TSPAN1: variants seen among roughly 807,000 people sequenced by gnomAD.
TSPAN1 encodes the protein tetraspanin-1.
TSPAN1 carries 23 observed loss-of-function variants against 26.9 expected under a neutral mutation model. That is an observed-to-expected ratio of 0.85 (90% CI 0.62 to 1.21). The LOEUF (loss-of-function observed/expected upper bound fraction) is 1.21, where lower values mean the gene tolerates loss of function less well. Ranked by LOEUF, TSPAN1 falls within the 50% of genes most tolerant of loss-of-function variation. The pLI is 0.00. For missense variants in TSPAN1, 283 were observed against 298.4 expected, an observed-to-expected ratio of 0.95 and a Z score of 0.38; for synonymous variants, 115 against 114.8, an observed-to-expected ratio of 1.00 and a Z score of -0.01.
chr1:46,192,251 T>A, the TSPAN1 span: 1 of 1,614,116 alleles, frequency 6.2e-7, no homozygotes. Flanking sequence ...CGATGAAGGT[T>A]AAGATGTTTC....
chr1:46,190,545 G>A, downstream of TSPAN1: 1 of 1,578,886 alleles, frequency 6.3e-7, no homozygotes, highest in Non-Finnish European at 8.7e-7. Flanking sequence ...ATGGGTCAGG[G>A]GAGTGGGCAG....
At chr1:46,176,595 C>A in intron 1 of TSPAN1, 1 of 1,180,784 alleles carries the variant, frequency 8.5e-7, no homozygotes, top group Non-Finnish European at 1.2e-6. Context: ...GCCCTGGCCC[C>A]TCCTCATGGG....
In TSPAN1 at chr1:46,184,785, G is replaced by A; in HGVS notation, c.340G>A (p.Ala114Thr). The A allele has an allele frequency of 6.2e-7, 1 of 1,614,194 alleles. No homozygotes were observed. The highest frequency in any genetic ancestry group is 1.7e-5 in the Admixed American group (1 of 60,026). Residue 114 changes from alanine (A) to threonine (T), a missense_variant and splice_region_variant, in exon 6 of 9, where the codon GCT (alanine) becomes ACT (threonine). Coordinates refer to ENST00000372003, the MANE Select transcript of TSPAN1 (RefSeq NM_005727.4). ...CTAAACACTGGCCTGCCTCACCCAGGCTGAGCACTTCCTGACGTTGCTGGT... is the reference window on the plus strand; with the variant it reads ...CTAAACACTGGCCTGCCTCACCCAGACTGAGCACTTCCTGACGTTGCTGGT... ...AVVALVYTTM[A>T]EHFLTLLVVP...
chr1:46,180,966 T>C (rs919814965), intron 2 of TSPAN1, 134 bp from the exon 3 acceptor site: 71 of 709,960 alleles, frequency 1.0e-4, no homozygotes, highest in Admixed American at 5.2e-4. Flanking sequence ...TCAGACCAGG[T>C]ACAGGAGAAG....
At chr1:46,189,008 G>A, downstream of TSPAN1, 1 of 1,596,000 alleles carries the variant, frequency 6.3e-7, no homozygotes, top group Non-Finnish European at 8.5e-7. Flanking sequence ...TCAAAGGGCA[G>A]GATGAGCTGC....
the TSPAN1 span, chr1:46,194,073 C>T: frequency 1.3e-6 from 2 of 1,536,598 alleles, no homozygotes; most frequent in Non-Finnish European, 1.8e-6. Context: ...GCTCTCCACA[C>T]ACTCAGCCCA....
chr1:46,194,186 T>C, the TSPAN1 span: 1 of 1,608,362 alleles, frequency 6.2e-7, no homozygotes, highest in Non-Finnish European at 8.5e-7. Context: ...CAGGCTCAGG[T>C]AGGGAAAGCC....
At chr1:46,188,769 T>C, downstream of TSPAN1, 3 of 1,612,864 alleles carry the variant, frequency 1.9e-6, no homozygotes, top group Non-Finnish European at 2.5e-6. Flanking sequence ...GGAGGCCTGG[T>C]CCAGTGTCTA....
At chr1:46,189,875 G>A (rs1414031529), downstream of TSPAN1, 2 of 1,613,904 alleles carry the variant, frequency 1.2e-6, no homozygotes, top group Non-Finnish European at 1.7e-6. Context: ...GGGTCCAGGT[G>A]GTGAAGTCAT....
At chr1:46,195,088 T>TAGAG in the TSPAN1 span, 1 of 826,194 alleles carries the variant, frequency 1.2e-6, no homozygotes, top group Non-Finnish European at 2.1e-6. Context: ...TAACCCTCTA[T>TAGAG]GGTTACTCTC....
downstream of TSPAN1, among the ~76,000 whole-genome samples, chr1:46,187,831 C>T (rs1285248202): frequency 6.6e-6 from 1 of 152,200 alleles, no homozygotes; most frequent in Admixed American, 6.5e-5. Context: ...ACATACCACC[C>T]ATGCTGTCAC....
At chr1:46,193,446 C>A in the TSPAN1 span, 1 of 1,605,430 alleles carries the variant, frequency 6.2e-7, no homozygotes, top group Non-Finnish European at 8.5e-7. Context: ...CCCACCTCTG[C>A]AATCCAAGGC....
downstream of TSPAN1, among the ~76,000 whole-genome samples, chr1:46,186,664 GTTTTTTTTT>G (rs759573351): frequency 2.7e-3 from 191 of 71,824 alleles, no homozygotes; most frequent in African/African-American, 0.011. Flanking sequence ...TAATTTTTGT[GTTTTTTTTT>G]TTTTTTTTTT....
At chr1:46,176,812 G>A (rs764007330) in intron 1 of TSPAN1, among the ~76,000 whole-genome samples, 77 of 152,136 alleles carry the variant, frequency 5.1e-4, no homozygotes, top group Non-Finnish European at 8.8e-4. Context: ...CTTTACCAAC[G>A]TTATCTCATT....
At chr1:46,195,056 A>C in the TSPAN1 span, 2 of 1,055,514 alleles carry the variant, frequency 1.9e-6, no homozygotes, top group African/African-American at 3.1e-5. Context: ...TTTACTTAAA[A>C]TAGCTCATTA....
At chr1:46,192,671 G>A in the TSPAN1 span, 566,094 of 1,600,240 alleles carry the variant, frequency 0.35, 101,937 homozygotes, top group South Asian at 0.45. Context: ...TGCTGGAGCT[G>A]GGTCTCAGGA....
At chr1:46,195,694 G>A in the TSPAN1 span, 225 of 965,108 alleles carry the variant, frequency 2.3e-4, 7 homozygotes, top group South Asian at 2.8e-3. Flanking sequence ...ATTGGAACCT[G>A]AGTAACCTTC....
At chr1:46,182,861 TGCAGTG>T (rs1657344786) in intron 3 of TSPAN1, among the ~76,000 whole-genome samples, 1 of 152,108 alleles carries the variant, frequency 6.6e-6, no homozygotes. Flanking sequence ...AAAGCTGGAG[TGCAGTG>T]GCATGATCAT....
rs924254322 is a variant in TSPAN1 at position 46,184,801 on chromosome 1, C to T, written c.356C>T (p.Thr119Met). 54 of 1,614,054 alleles carry T rather than the reference C, an allele frequency of 3.3e-5. No homozygotes were observed. The highest frequency in any genetic ancestry group is 5.5e-5 in the South Asian group (5 of 91,084). The change falls in exon 6 of 9, where the codon ACG becomes ATG. Residue 119 changes from threonine to methionine, a missense_variant. Transcript: ENST00000372003. ...VYTTMAEHFL[T>M]LLVVPAIKKD... ...CTCACCCAGGCTGAGCACTTCCTGA[C>T]GTTGCTGGTAGTGCCTGCCATCAAG...
Sources: gnomAD v4.1 joint callset for allele counts (sites outside exome capture counted in the v4.1 genomes callset) on GRCh38, gnomAD v4.1.1 for gene constraint, MANE v1.5 for transcripts, NCBI Gene and HGNC (gene_info 2026-07-23, HGNC 2026-07-21) for gene names.